Variants in GPHN observed in about 807,000 individuals in gnomAD.
The protein encoded by GPHN is gephyrin.
In GPHN, 17 loss-of-function variants were observed where a neutral mutation model predicts 95.5. That is an observed-to-expected ratio of 0.18 (90% CI 0.12 to 0.27). The LOEUF (loss-of-function observed/expected upper bound fraction) is 0.27, where lower values mean the gene tolerates loss of function less well. GPHN is among the 10% of genes least tolerant of loss of function. GPHN has a pLI of 1.00. For missense variants in GPHN, 660 were observed against 978.1 expected, an observed-to-expected ratio of 0.67 and a Z score of 4.34; for synonymous variants, 320 against 322.5, an observed-to-expected ratio of 0.99 and a Z score of 0.08.
chr14:66,916,132 C>A, intron 6 of GPHN, 63 bp downstream of exon 6: 1 of 1,125,004 alleles, frequency 8.9e-7, no homozygotes, highest in Non-Finnish European at 1.4e-6. Context: ...TGAAAGTTAG[C>A]CAGCCAAAAA....
chr14:66,522,692 T>C (rs1173304295), intron 1 of GPHN, among the ~76,000 whole-genome samples: 2 of 152,116 alleles, frequency 1.3e-5, no homozygotes, highest in African/African-American at 2.4e-5. Flanking sequence ...GTAAAAATAA[T>C]GGTTTTTCTA....
At chr14:67,692,282 A>G in the GPHN span, 1 of 733,148 alleles carries the variant, frequency 1.4e-6, no homozygotes, top group Non-Finnish European at 2.3e-6. Flanking sequence ...TCCCTTTGAC[A>G]TAAATTGTGT....
intron 2 of GPHN, among the ~76,000 whole-genome samples, chr14:66,705,164 CAGCAATTAAT>C (rs1301655379): frequency 6.6e-6 from 1 of 152,204 alleles, no homozygotes; most frequent in Non-Finnish European, 1.5e-5. Flanking sequence ...GAAATTGAGG[CAGCAATTAAT>C]AGCATACTAA....
At chr14:67,653,547 G>T in the GPHN span, 1 of 1,522,452 alleles carries the variant, frequency 6.6e-7, no homozygotes, top group Non-Finnish European at 9.1e-7. Flanking sequence ...AGTATACTCT[G>T]TACAATTGAA....
At chr14:66,906,834 A>G (rs1021029924) in intron 5 of GPHN, among the ~76,000 whole-genome samples, 3 of 152,190 alleles carry the variant, frequency 2.0e-5, no homozygotes, top group African/African-American at 7.2e-5. Context: ...TGGTCAGAGA[A>G]GTTACTCTAT....
intron 3 of GPHN, among the ~76,000 whole-genome samples, chr14:66,813,181 A>C (rs1435329851): frequency 6.6e-6 from 1 of 152,224 alleles, no homozygotes; most frequent in Non-Finnish European, 1.5e-5. Flanking sequence ...AGTGCCTACT[A>C]TAAACTCAAA....
At chr14:66,881,233 A>T (rs1050854362) in intron 5 of GPHN, among the ~76,000 whole-genome samples, 3 of 151,914 alleles carry the variant, frequency 2.0e-5, no homozygotes, top group Non-Finnish European at 4.4e-5. Flanking sequence ...CAAATAAAGA[A>T]TTAAAGTACC....
chr14:67,354,637 G>A, the GPHN span, among the ~76,000 whole-genome samples: 1 of 152,170 alleles, frequency 6.6e-6, no homozygotes, highest in East Asian at 1.9e-4. Context: ...ATATAGGCAT[G>A]TGCTGTCTAT....
At chr14:66,665,643 C>T (rs1441599627) in intron 1 of GPHN, among the ~76,000 whole-genome samples, 1 of 152,198 alleles carries the variant, frequency 6.6e-6, no homozygotes, top group African/African-American at 2.4e-5. Context: ...CACTTTTACA[C>T]TGTTGGTGGG....
chr14:66,696,027 G>A (rs1454974441), intron 2 of GPHN, among the ~76,000 whole-genome samples: 1 of 152,188 alleles, frequency 6.6e-6, no homozygotes, highest in Non-Finnish European at 1.5e-5. Flanking sequence ...TGATGTGTCA[G>A]TGGAGGTTTA....
chr14:66,589,417 C>A (rs137927560), intron 1 of GPHN, among the ~76,000 whole-genome samples: 61 of 152,006 alleles, frequency 4.0e-4, no homozygotes, highest in African/African-American at 1.4e-3. Context: ...GGCTAAATGC[C>A]CCAATTAAAA....
chr14:66,834,143 A>T, intron 4 of GPHN, among the ~76,000 whole-genome samples: 1 of 152,178 alleles, frequency 6.6e-6, no homozygotes, highest in East Asian at 1.9e-4. Context: ...TGTGCTCAAA[A>T]GAAGGTTAAT....
the GPHN span, chr14:67,615,858 C>G: frequency 2.9e-5 from 18 of 615,690 alleles, no homozygotes; most frequent in African/African-American, 3.0e-4. Context: ...GGTGATTCGG[C>G]GAAGAAACTG....
chr14:67,110,856 T>C (rs566616321), intron 14 of GPHN, among the ~76,000 whole-genome samples: 2 of 152,342 alleles, frequency 1.3e-5, no homozygotes, highest in Admixed American at 6.5e-5. Flanking sequence ...TGTATGTCAG[T>C]TCTCCCTCCA....
chr14:67,670,768 C>T, the GPHN span, among the ~76,000 whole-genome samples: 1 of 152,066 alleles, frequency 6.6e-6, no homozygotes, highest in Non-Finnish European at 1.5e-5. Context: ...CCTTGTGATC[C>T]GCCCGCCTAG....
the GPHN span, among the ~76,000 whole-genome samples, chr14:67,253,268 ACT>A: frequency 6.6e-6 from 1 of 152,070 alleles, no homozygotes; most frequent in East Asian, 1.9e-4. Flanking sequence ...CATATTAAGC[ACT>A]CTTTCAATGT....
intron 2 of GPHN, among the ~76,000 whole-genome samples, chr14:66,690,144 A>G (rs1383296512): frequency 6.6e-6 from 1 of 151,022 alleles, no homozygotes; most frequent in African/African-American, 2.4e-5. Context: ...CTATTTGAAA[A>G]TTTTCTACTT....
chr14:67,433,979 G>A, the GPHN span, among the ~76,000 whole-genome samples: 1 of 152,146 alleles, frequency 6.6e-6, no homozygotes, highest in African/African-American at 2.4e-5. Context: ...GTTTTTAAAA[G>A]CCTTTTGTGC....
chr14:66,675,188 T>C (rs1288319119), intron 1 of GPHN, among the ~76,000 whole-genome samples: 1 of 147,312 alleles, frequency 6.8e-6, no homozygotes, highest in African/African-American at 2.6e-5. Flanking sequence ...TTGTTGCCCA[T>C]GCTGAAGTCG....
Sources: gnomAD v4.1 joint callset for allele counts (sites outside exome capture counted in the v4.1 genomes callset) on GRCh38, gnomAD v4.1.1 for gene constraint, MANE v1.5 for transcripts, NCBI Gene and HGNC (gene_info 2026-07-23, HGNC 2026-07-21) for gene names.